Variants in COPZ2 observed in about 807,000 individuals in gnomAD.
The protein encoded by COPZ2 is coat protein complex I subunit zeta 2.
COPZ2 carries 30 observed loss-of-function variants against 33.2 expected under a neutral mutation model. The observed-to-expected ratio is 0.90, with a 90% CI of 0.68 to 1.23. COPZ2 has a LOEUF of 1.23. Ranked by LOEUF, COPZ2 falls within the 50% of genes most tolerant of loss-of-function variation. COPZ2 has a pLI of 0.00. For missense variants in COPZ2, 263 were observed against 262.4 expected, an observed-to-expected ratio of 1.00 and a Z score of -0.02; for synonymous variants, 89 against 102.6, an observed-to-expected ratio of 0.87 and a Z score of 0.80.
At chr17:48,029,976 A>C (rs1402204713) in intron 6 of COPZ2, among the ~76,000 whole-genome samples, 11 of 143,624 alleles carry the variant, frequency 7.7e-5, no homozygotes, top group African/African-American at 2.6e-4. Flanking sequence ...TAAAAAAAAA[A>C]AATTTTTTTT....
At chr17:48,044,354 A>AG in the COPZ2 span, among the ~76,000 whole-genome samples, 3 of 150,886 alleles carry the variant, frequency 2.0e-5, no homozygotes. Flanking sequence ...CAAAAAAAAA[A>AG]GTCAGATAAT....
intron 6 of COPZ2, 135 bp downstream of exon 6, chr17:48,032,021 A>G (rs1405778471): frequency 1.5e-6 from 1 of 685,062 alleles, no homozygotes; most frequent in African/African-American, 1.8e-5. Context: ...GGCTAGGGGA[A>G]TGGGATCCCT....
At position 48,028,502 on chromosome 17, in the gene COPZ2, A is replaced by G; in HGVS notation, c.555T>C (p.Asp185=). Residue 185 remains aspartate, a synonymous_variant, in exon 8 of 9, where the codon GAT becomes GAC. Transcript: ENST00000621465. This position sits in a 1 kb window ranked among gnomAD's most constrained non-coding sequence, Gnocchi z 4.5. ...VIQKVNFRAD[D]GGLTEQSVAQ... ...CCACACTCTGTTCAGTCAAGCCGCC[A>G]TCATCTGCCTGTAAGGAAGCAGAGT... 9 of 1,608,570 alleles carry G rather than the reference A, an allele frequency of 5.6e-6. No individual in the cohort carries two copies. Among genetic ancestry groups the G allele is most frequent in the Non-Finnish European group, 7.6e-6 (9 of 1,177,586 alleles).
intron 3 of COPZ2, 109 bp from the exon 4 acceptor site, chr17:48,033,411 G>C: frequency 1.4e-6 from 1 of 710,518 alleles, no homozygotes; most frequent in East Asian, 2.7e-5. Flanking sequence ...CCCCTTTCTG[G>C]AGAACCCTTG....
rs1222646076 is a variant in COPZ2 at position 48,032,151 on chromosome 17, C to T, written c.494+5G>A. The stretch of plus-strand genomic sequence containing the variant: ...TGTGAGTGTCCCTGACTGTCCCCTC[C>T]TCACCCGCCATCCACAATCTCGTCC... On this transcript the variant is annotated splice_donor_5th_base_variant and intron_variant, in intron 6 of 8. Coordinates refer to ENST00000621465, the MANE Select transcript of COPZ2 (RefSeq NM_016429.4). The T allele has an allele frequency of 6.2e-7, 1 of 1,611,952 alleles. No homozygotes were observed. The highest frequency in any genetic ancestry group is 2.2e-5 in the East Asian group (1 of 44,842).
chr17:48,042,554 C>T (rs753900439), upstream of COPZ2, among the ~76,000 whole-genome samples: 1 of 152,130 alleles, frequency 6.6e-6, no homozygotes, highest in Non-Finnish European at 1.5e-5. Context: ...CTCTGCCTCC[C>T]GGGTTCAAGC....
At chr17:48,039,277 C>G (rs2144320791), upstream of COPZ2, among the ~76,000 whole-genome samples, 1 of 151,944 alleles carries the variant, frequency 6.6e-6, no homozygotes, top group Admixed American at 6.6e-5. Context: ...TCCAGACCAG[C>G]CTGGGCAACA....
intron 8 of COPZ2, among the ~76,000 whole-genome samples, chr17:48,027,340 C>T (rs1197909930): frequency 6.6e-6 from 1 of 152,206 alleles, no homozygotes; most frequent in Non-Finnish European, 1.5e-5. Flanking sequence ...TGTTAACTGG[C>T]TTGGAGCCCT....
the COPZ2 span, among the ~76,000 whole-genome samples, chr17:48,043,073 G>C: frequency 6.6e-6 from 1 of 152,370 alleles, no homozygotes; most frequent in South Asian, 2.1e-4. Context: ...TGCAGCAGCA[G>C]ACTCGGCAGG....
chr17:48,032,825 GGCA>G (rs1254103744), intron 4 of COPZ2, 84 bp from the exon 5 acceptor site: 3 of 1,113,306 alleles, frequency 2.7e-6, no homozygotes, highest in Non-Finnish European at 4.0e-6. Flanking sequence ...CACCTGTGCG[GGCA>G]GCAATGGAGA....
At chr17:48,030,698 G>A (rs921735054) in intron 6 of COPZ2, among the ~76,000 whole-genome samples, 3 of 152,226 alleles carry the variant, frequency 2.0e-5, no homozygotes, top group Non-Finnish European at 4.4e-5. Flanking sequence ...GTTGCCTCCC[G>A]ACTGGCGCTT....
intron 8 of COPZ2, among the ~76,000 whole-genome samples, chr17:48,027,146 C>G (rs1357802034): frequency 6.6e-6 from 1 of 152,208 alleles, no homozygotes; most frequent in African/African-American, 2.4e-5. Flanking sequence ...CACAGTCTCC[C>G]TCCTCTCTTG....
intron 5 of COPZ2, 146 bp downstream of exon 5, chr17:48,032,540 C>G: frequency 1.4e-6 from 1 of 720,754 alleles, no homozygotes; most frequent in Non-Finnish European, 2.4e-6. Flanking sequence ...CACAGCCCTA[C>G]TTTCGTTCAT....
chr17:48,044,047 C>T, the COPZ2 span, among the ~76,000 whole-genome samples: 3 of 152,154 alleles, frequency 2.0e-5, no homozygotes, highest in Non-Finnish European at 4.4e-5. Flanking sequence ...AGAATGAGCA[C>T]ACCCTAAAAG....
chr17:48,032,975 A>C lies in COPZ2; in HGVS notation c.361-234T>G, dbSNP rs189114949. On this transcript the variant is annotated intron_variant, in intron 4 of 8. Transcript: ENST00000621465. ...CTCTAGTTATGTTTAAGAAGGACAA[A>C]GCCTCCCTTGAAGATGAAGTGATTA... 70 of 595,520 alleles carry C rather than the reference A, an allele frequency of 1.2e-4. 1 individual carries two copies. Among genetic ancestry groups the C allele is most frequent in the African/African-American group, 7.6e-4 (41 of 53,788 alleles). 36.9% of individuals were successfully genotyped at this position (595,520 alleles called of 1,614,324 possible).
chr17:48,035,802 G>A (rs1041764144), intron 2 of COPZ2, among the ~76,000 whole-genome samples: 8 of 146,554 alleles, frequency 5.5e-5, no homozygotes, highest in Non-Finnish European at 8.9e-5. Flanking sequence ...TGCCCAGGCT[G>A]GAGTGCAATG....
Position 48,037,653 on chromosome 17 carries a change from C to G in COPZ2, c.111+14G>C. On this transcript the variant is annotated intron_variant, in intron 1 of 8. Coordinates refer to ENST00000621465, the MANE Select transcript of COPZ2 (RefSeq NM_016429.4). This position sits in a 1 kb window ranked among gnomAD's most constrained non-coding sequence, Gnocchi z 5.6. Reference sequence around the variant, plus strand: ...TCCCGCCGCCCGGGATCCCCGCGCCCGCCCGCTCCGTACCCGCAGCCCCGA... The same window carrying G: ...TCCCGCCGCCCGGGATCCCCGCGCCGGCCCGCTCCGTACCCGCAGCCCCGA... 9.2e-7 allele frequency: 1 copy of G among 1,091,416 alleles called. No individual in the cohort carries two copies. The highest frequency in any genetic ancestry group is 1.1e-6 in the Non-Finnish European group (1 of 898,862). 67.6% of individuals were successfully genotyped at this position (1,091,416 alleles called of 1,614,324 possible). A position where few individuals can be genotyped will look rare whatever the true frequency, so the allele number is the denominator to read the frequency against.
chr17:48,045,629 C>G, the COPZ2 span: 1 of 152,514 alleles, frequency 6.6e-6, no homozygotes, highest in Non-Finnish European at 1.5e-5. Flanking sequence ...TCTCTCCTGC[C>G]CAGCCTGGAG....
chr17:48,028,391 C>A lies in COPZ2; in HGVS notation c.585+81G>T. 2.9e-6 allele frequency: 4 copies of A among 1,364,530 alleles called. No individual in the cohort carries two copies. The highest frequency in any genetic ancestry group is 4.0e-6 in the Non-Finnish European group (4 of 1,000,340). 84.5% of individuals were successfully genotyped at this position (1,364,530 alleles called of 1,614,324 possible). ...TTCAGACTTGATAACTTCACTGGGT[C>A]CCCCTAGGATGCTCTAGGATGCTCT... On this transcript the variant is annotated intron_variant, in intron 8 of 8. Coordinates refer to ENST00000621465, the MANE Select transcript of COPZ2 (RefSeq NM_016429.4). The surrounding 1 kb of genome is among the most constrained non-coding windows in gnomAD (Gnocchi z 4.5).
Sources: gnomAD v4.1 joint callset for allele counts (sites outside exome capture counted in the v4.1 genomes callset) on GRCh38, gnomAD v4.1.1 for gene constraint, Gnocchi (gnomAD v3.1) non-coding constraint, MANE v1.5 for transcripts, NCBI Gene and HGNC (gene_info 2026-07-23, HGNC 2026-07-21) for gene names.